EIF3D: variants seen among roughly 807,000 people sequenced by gnomAD.
EIF3D encodes the protein eIF3 p66.
Under a neutral mutation model 75.4 loss-of-function variants are expected in EIF3D, and 10 were observed. The observed-to-expected ratio is 0.13, with a 90% CI of 0.08 to 0.22. The LOEUF is 0.22. Ranked by LOEUF, EIF3D falls within the 10% of genes least tolerant of loss-of-function variation. The probability of loss-of-function intolerance (pLI) is 1.00; values close to 1 mark genes in which losing one functional copy is unlikely to be tolerated. For synonymous variants in EIF3D, 246 were observed against 248.3 expected, an observed-to-expected ratio of 0.99 and a Z score of 0.09; for missense variants, 394 against 708.0, an observed-to-expected ratio of 0.56 and a Z score of 5.03.
At position 36,517,404 on chromosome 22, in the gene EIF3D, T is replaced by C. The variant is rs374299691; in HGVS notation, c.887A>G (p.Asn296Ser). 1.6e-5 allele frequency: 26 copies of C among 1,613,158 alleles called. No homozygotes were observed. Among genetic ancestry groups the C allele is most frequent in the Non-Finnish European group, 2.1e-5 (25 of 1,179,676 alleles). The change falls in exon 10 of 15, where the codon AAT becomes AGT. Residue 296 changes from asparagine to serine, a missense_variant. Asn to Ser is a conservative substitution (Grantham distance 46). Coordinates refer to ENST00000216190, the MANE Select transcript of EIF3D (RefSeq NM_003753.4). ...ATTACCTTCATCTTGAGGGGGCTCATTGGCAGTCTCACTCACTGTCAGGAG... is the reference window on the plus strand; with the variant it reads ...ATTACCTTCATCTTGAGGGGGCTCACTGGCAGTCTCACTCACTGTCAGGAG... Reference protein sequence around the residue: ...FDLLTVSETANEPPQDEGNSF... With the variant: ...FDLLTVSETASEPPQDEGNSF...
intron 2 of EIF3D, 77 bp from the exon 3 acceptor site, chr22:36,525,786 C>T (rs778896398): frequency 4.2e-5 from 66 of 1,566,370 alleles, no homozygotes; most frequent in Non-Finnish European, 5.0e-5. Context: ...TCCCTGAGCG[C>T]GAGAGGACAG....
chr22:36,512,670 G>A lies in EIF3D; in HGVS notation c.1207-68C>T, dbSNP rs1322634254. 7 of 1,546,600 alleles carry A rather than the reference G, an allele frequency of 4.5e-6. No homozygotes were observed. In the East Asian group the frequency reaches 1.4e-4, roughly 30 times the overall value. On this transcript the variant is annotated intron_variant, in intron 12 of 14. Transcript: ENST00000216190. ...TGCCCAAGGTGCTGGGACCTCCTCT[G>A]GCAGAGAAGGAACTCCCTAGTCTGC... is the stretch of plus-strand genomic sequence containing the variant.
intron 1 of EIF3D, among the ~76,000 whole-genome samples, chr22:36,528,555 G>A (rs1471860220): frequency 6.8e-6 from 1 of 145,990 alleles, no homozygotes; most frequent in African/African-American, 2.7e-5. Context: ...CTCTGTGGTT[G>A]GCAGGCCACT....
intron 14 of EIF3D, 56 bp downstream of exon 14, chr22:36,511,447 G>A (rs1181293252): frequency 6.3e-7 from 1 of 1,595,892 alleles, no homozygotes; most frequent in African/African-American, 1.3e-5. Context: ...TACAGAGCTT[G>A]CTCCCGTGCT....
At chr22:36,511,263 T>C in intron 14 of EIF3D, 1 of 862,276 alleles carries the variant, frequency 1.2e-6, no homozygotes, top group Non-Finnish European at 1.7e-6. Flanking sequence ...TTCCCTCATC[T>C]TCCTCTACCT....
intron 12 of EIF3D, chr22:36,512,806 T>C (rs1934361218): frequency 1.8e-6 from 1 of 561,118 alleles, no homozygotes; most frequent in South Asian, 2.3e-5. Context: ...GACTTACAAT[T>C]CCTCTCTTCT....
intron 6 of EIF3D, among the ~76,000 whole-genome samples, chr22:36,522,326 G>A (rs1237091423): frequency 1.3e-5 from 2 of 152,176 alleles, no homozygotes; most frequent in African/African-American, 2.4e-5. Context: ...CTGCACTCCA[G>A]CCTGGGTGAC....
intron 1 of EIF3D, among the ~76,000 whole-genome samples, chr22:36,528,038 T>G (rs1934633416): frequency 6.6e-6 from 1 of 152,118 alleles, no homozygotes; most frequent in African/African-American, 2.4e-5. Context: ...CAATTTGTAT[T>G]AAATAAATAT....
chr22:36,520,496 T>C, intron 7 of EIF3D, 80 bp downstream of exon 7: 2 of 984,560 alleles, frequency 2.0e-6, no homozygotes, highest in Admixed American at 4.8e-5. Context: ...TTGGAAATAC[T>C]AGGGCTTAAG....
At position 36,510,945 on chromosome 22, in the gene EIF3D, T is replaced by C. The variant is rs762936469; in HGVS notation, c.*42A>G. On this transcript the variant is annotated 3_prime_UTR_variant, in exon 15 of 15. Transcript: ENST00000216190. Reference sequence around the variant, plus strand: ...TTCCACTAAGCATCAAAGGCCCTCGTAGTCTCGGTGGAAGGACAAACTCCA... The same window carrying C: ...TTCCACTAAGCATCAAAGGCCCTCGCAGTCTCGGTGGAAGGACAAACTCCA... 2.5e-6 allele frequency: 4 copies of C among 1,589,742 alleles called. No individual in the cohort carries two copies. Among genetic ancestry groups the C allele is most frequent in the South Asian group, 2.3e-5 (2 of 87,978 alleles).
chr22:36,511,197 G>T, intron 14 of EIF3D, 197 bp from the exon 15 acceptor site: 1 of 824,180 alleles, frequency 1.2e-6, no homozygotes, highest in Non-Finnish European at 1.8e-6. Flanking sequence ...CAACTTTCAG[G>T]CTATTTAACC....
chr22:36,520,720 G>A (rs1229191078), intron 6 of EIF3D, 32 bp from the exon 7 acceptor site: 2 of 1,472,514 alleles, frequency 1.4e-6, no homozygotes, highest in African/African-American at 1.4e-5. Flanking sequence ...GGAAAAAAAA[G>A]TTATAGTCCA....
chr22:36,510,965 A>C lies in EIF3D; in HGVS notation c.*22T>G, dbSNP rs1934324063. The C allele has an allele frequency of 6.3e-7, 1 of 1,599,160 alleles. No homozygotes were observed. Among genetic ancestry groups the C allele is most frequent in the South Asian group, 1.1e-5 (1 of 89,460 alleles). ...CCTCGTAGTCTCGGTGGAAGGACAA[A>C]CTCCAGCTCCACATCACTGGTTTAA... On this transcript the variant is annotated 3_prime_UTR_variant, in exon 15 of 15. Coordinates refer to ENST00000216190, the MANE Select transcript of EIF3D (RefSeq NM_003753.4).
chr22:36,527,738 C>T (rs948261656), intron 1 of EIF3D, among the ~76,000 whole-genome samples: 4 of 152,208 alleles, frequency 2.6e-5, no homozygotes, highest in African/African-American at 4.8e-5. Flanking sequence ...ACTCAGGAGG[C>T]GGAGGTTGCA....
At chr22:36,524,765 C>T (rs1934569602) in intron 3 of EIF3D, 33 bp from the exon 4 acceptor site, 2 of 1,614,032 alleles carry the variant, frequency 1.2e-6, no homozygotes, top group Non-Finnish European at 8.5e-7. Flanking sequence ...GTAGTAACTG[C>T]ACCCACAGAC....
Position 36,519,510 on chromosome 22 carries a change from G to A in EIF3D, c.606C>T (p.Tyr202=), listed in dbSNP as rs145235752. 52 of 1,614,144 alleles carry A rather than the reference G, an allele frequency of 3.2e-5. No individual in the cohort carries two copies. In the Admixed American group the frequency reaches 4.3e-4, roughly 13 times the overall value. Residue 202 remains tyrosine (Y), a synonymous_variant, in exon 8 of 15, where the codon TAC becomes TAT. Transcript: ENST00000216190. ...DIECCGALEY[Y]DKAFDRITTR... ...TGGTGATGCGGTCAAAGGCTTTGTC[G>A]TAGTATTCTAGGGCCCCACAACACT... is the stretch of plus-strand genomic sequence containing the variant.
chr22:36,514,934 G>A (rs912872750), intron 12 of EIF3D, among the ~76,000 whole-genome samples: 1 of 152,096 alleles, frequency 6.6e-6, no homozygotes, highest in African/African-American at 2.4e-5. Context: ...CTATTCTTGT[G>A]GTAAGAGTAT....
intron 5 of EIF3D, among the ~76,000 whole-genome samples, 165 bp downstream of exon 5, chr22:36,523,730 C>T (rs1934552151): frequency 6.6e-6 from 1 of 152,220 alleles, no homozygotes; most frequent in African/African-American, 2.4e-5. Flanking sequence ...CTGCCATGAA[C>T]CAGCCTGAGA....
At chr22:36,526,215 A>G (rs76328101) in intron 1 of EIF3D, 84 bp from the exon 2 acceptor site, 31,602 of 1,392,374 alleles carry the variant, frequency 0.023, 461 homozygotes, top group Non-Finnish European at 0.026. Context: ...AAGCAAAGAC[A>G]TAAATGATAG....
Sources: gnomAD v4.1 joint callset for allele counts (sites outside exome capture counted in the v4.1 genomes callset) on GRCh38, gnomAD v4.1.1 for gene constraint, MANE v1.5 for transcripts, NCBI Gene and HGNC (gene_info 2026-07-23, HGNC 2026-07-21) for gene names.